The following SPAG17 variants were observed in gnomAD, a reference collection of about 807,000 sequenced individuals.
SPAG17 encodes sperm-associated antigen 17.
In SPAG17, 169 loss-of-function variants were observed where a neutral mutation model predicts 273.6. The observed-to-expected ratio is 0.62, with a 90% CI of 0.55 to 0.70. The LOEUF (loss-of-function observed/expected upper bound fraction) is 0.70, where lower values mean the gene tolerates loss of function less well. Among genes scored for constraint, SPAG17 ranks in the 30% least tolerant of loss-of-function variants. The pLI is 0.00. For synonymous variants in SPAG17, 825 were observed against 873.2 expected (o/e 0.94, Z 0.97); for missense variants, 2,557 against 2,627.8 (o/e 0.97, Z 0.59).
At chr1:117,962,216 C>G (rs146447146) in intron 48 of SPAG17, 16 of 152,202 alleles carry the variant, frequency 1.1e-4, no homozygotes, top group African/African-American at 3.9e-4. Context: ...GATAAAGTGA[C>G]ATGTACAGAA....
chr1:118,117,183 A>G (rs1330617065), intron 3 of SPAG17, among the ~76,000 whole-genome samples: 1 of 152,196 alleles, frequency 6.6e-6, no homozygotes, highest in African/African-American at 2.4e-5. Context: ...ATGGCAGTCT[A>G]GTGTTTCCCT....
At chr1:117,955,121 A>G (rs1047957875) in intron 48 of SPAG17, 4 of 475,760 alleles carry the variant, frequency 8.4e-6, no homozygotes, top group African/African-American at 8.0e-5. Flanking sequence ...GACTTGTAGC[A>G]TAGTTGGTAA....
At chr1:118,019,109 C>T (rs891156911) in intron 28 of SPAG17, among the ~76,000 whole-genome samples, 1 of 150,230 alleles carries the variant, frequency 6.7e-6, no homozygotes, top group Non-Finnish European at 1.5e-5. Flanking sequence ...AAATTATCAT[C>T]TCATAGTCAA....
intron 1 of SPAG17, among the ~76,000 whole-genome samples, chr1:118,163,578 TCTAA>T (rs542340188): frequency 6.7e-4 from 101 of 151,236 alleles, no homozygotes; most frequent in African/African-American, 2.3e-3. Context: ...TGACCTCTTC[TCTAA>T]CTGTGTTCCT....
intron 31 of SPAG17, among the ~76,000 whole-genome samples, chr1:118,006,639 T>C (rs1219701016): frequency 2.6e-5 from 4 of 152,222 alleles, no homozygotes; most frequent in African/African-American, 7.2e-5. Context: ...ACAACTAAGT[T>C]TACCTTTTGA....
chr1:118,106,433 T>G (rs1656401664), intron 4 of SPAG17, among the ~76,000 whole-genome samples: 1 of 152,176 alleles, frequency 6.6e-6, no homozygotes, highest in African/African-American at 2.4e-5. Flanking sequence ...ATGCTCTTTT[T>G]TAATGGGTTT....
At chr1:118,000,019 T>A (rs1658098527) in intron 32 of SPAG17, among the ~76,000 whole-genome samples, 1 of 152,200 alleles carries the variant, frequency 6.6e-6, no homozygotes, top group African/African-American at 2.4e-5. Context: ...AAGGAAGGGA[T>A]CCAGTTTCAG....
At chr1:118,184,669 C>T (rs554326209) in intron 1 of SPAG17, among the ~76,000 whole-genome samples, 2 of 152,224 alleles carry the variant, frequency 1.3e-5, no homozygotes, top group South Asian at 4.2e-4. Context: ...TATTAAAGCC[C>T]TATTATGGGC....
chr1:118,171,739 T>C (rs1660427444), intron 1 of SPAG17, among the ~76,000 whole-genome samples: 1 of 152,202 alleles, frequency 6.6e-6, no homozygotes, highest in Admixed American at 6.5e-5. Flanking sequence ...AATATCTACC[T>C]CATAGCACTG....
chr1:118,052,484 T>A (rs904374915), intron 20 of SPAG17, among the ~76,000 whole-genome samples: 1 of 151,906 alleles, frequency 6.6e-6, no homozygotes, highest in Non-Finnish European at 1.5e-5. Context: ...TTGTACAACA[T>A]GATGACTATA....
chr1:118,073,429 G>A (rs562123455), intron 17 of SPAG17, among the ~76,000 whole-genome samples: 8 of 152,108 alleles, frequency 5.3e-5, no homozygotes, highest in Non-Finnish European at 1.0e-4. Context: ...AATGAATGTT[G>A]GCTACCACAG....
chr1:118,040,672 G>C (rs1011552224), intron 22 of SPAG17, 58 bp downstream of exon 22: 1 of 1,192,022 alleles, frequency 8.4e-7, no homozygotes, highest in Non-Finnish European at 1.3e-6. Context: ...AGGGCCCCTG[G>C]TTATCTGAAA....
intron 43 of SPAG17, among the ~76,000 whole-genome samples, chr1:117,975,533 G>C (rs1655036001): frequency 6.6e-6 from 1 of 152,160 alleles, no homozygotes; most frequent in African/African-American, 2.4e-5. Flanking sequence ...TATAATGAGG[G>C]TCAGGGCTAG....
intron 15 of SPAG17, among the ~76,000 whole-genome samples, chr1:118,074,861 C>T (rs1262026939): frequency 6.6e-6 from 1 of 152,256 alleles, no homozygotes; most frequent in East Asian, 1.9e-4. Context: ...AGATATTCTG[C>T]TTTCAGACTG....
At chr1:118,088,574 G>A (rs940158973) in intron 10 of SPAG17, among the ~76,000 whole-genome samples, 2 of 151,922 alleles carry the variant, frequency 1.3e-5, no homozygotes, top group African/African-American at 2.4e-5. Context: ...GTATATGGGA[G>A]GTATCAGAGA....
Position 118,163,359 on chromosome 1 carries a change from C to A in SPAG17, c.88-11990G>T, listed in dbSNP as rs113943593. On this transcript the variant is annotated intron_variant, in intron 1 of 48. Transcript: ENST00000336338. The stretch of plus-strand genomic sequence containing the variant: ...GAATTAGTGGAAGGAATTCTTTGTC[C>A]ATGTCCTGCTTGTCCACTGTCTGTC... Among the ~76,000 whole-genome samples, 616 of 152,176 alleles carry A rather than the reference C, an allele frequency of 4.0e-3. 1 individual carries two copies. The highest frequency in any genetic ancestry group is 0.014 in the African/African-American group (587 of 41,510).
intron 26 of SPAG17, among the ~76,000 whole-genome samples, chr1:118,027,866 A>C (rs1203198961): frequency 1.3e-5 from 2 of 152,170 alleles, no homozygotes; most frequent in Non-Finnish European, 2.9e-5. Context: ...TGTTTTGGTC[A>C]GACCAGCAAC....
chr1:118,068,476 T>C (rs1049031975), intron 17 of SPAG17, among the ~76,000 whole-genome samples: 6 of 152,220 alleles, frequency 3.9e-5, no homozygotes, highest in African/African-American at 1.4e-4. Flanking sequence ...TCCTTTCTTT[T>C]AGATAATAAG....
At chr1:118,139,535 C>A (rs1366581908) in intron 3 of SPAG17, among the ~76,000 whole-genome samples, 2 of 152,082 alleles carry the variant, frequency 1.3e-5, no homozygotes, top group Admixed American at 6.6e-5. Context: ...TAGTACTATT[C>A]ACAATAGCCA....
Sources: gnomAD v4.1 joint callset for allele counts (sites outside exome capture counted in the v4.1 genomes callset) on GRCh38, gnomAD v4.1.1 for gene constraint, MANE v1.5 for transcripts, NCBI Gene and HGNC (gene_info 2026-07-23, HGNC 2026-07-21) for gene names.